Variants in USP32 observed in about 807,000 individuals in gnomAD.
USP32 encodes the protein ubiquitin carboxyl-terminal hydrolase 32.
In USP32, 59 loss-of-function variants were observed where a neutral mutation model predicts 204.8. The observed-to-expected ratio is 0.29, with a 90% CI of 0.23 to 0.36. The LOEUF (loss-of-function observed/expected upper bound fraction) is 0.36. USP32 is among the 10% of genes least tolerant of loss of function. The pLI is 1.00. For missense variants in USP32, 1,160 were observed against 1,946.4 expected (o/e 0.60, Z 7.60); for synonymous variants, 517 against 678.4 (o/e 0.76, Z 3.70).
At chr17:60,229,114 C>T (rs548333191) in intron 12 of USP32, among the ~76,000 whole-genome samples, 4 of 151,820 alleles carry the variant, frequency 2.6e-5, no homozygotes, top group South Asian at 4.1e-4. Context: ...CTTGCTCAGT[C>T]GCCTATAGCT....
intron 1 of USP32, among the ~76,000 whole-genome samples, chr17:60,389,865 A>T (rs951648255): frequency 4.0e-5 from 6 of 151,780 alleles, no homozygotes; most frequent in Non-Finnish European, 5.9e-5. Context: ...AAATACAAAA[A>T]AATTAGCCGG....
chr17:60,329,916 A>T (rs2088339278), intron 2 of USP32, among the ~76,000 whole-genome samples: 1 of 152,244 alleles, frequency 6.6e-6, no homozygotes, highest in African/African-American at 2.4e-5. Flanking sequence ...TACAAGAGAT[A>T]CTCAGAGCAT....
chr17:60,397,949 TG>T (rs747145160), intron 1 of USP32, among the ~76,000 whole-genome samples: 3 of 149,842 alleles, frequency 2.0e-5, no homozygotes, highest in Non-Finnish European at 4.4e-5. Context: ...ATGTGATTTA[TG>T]ATTCTAGGTT....
chr17:60,206,961 C>T (rs1452525018), intron 25 of USP32, 60 bp downstream of exon 25: 2 of 1,544,926 alleles, frequency 1.3e-6, no homozygotes, highest in Non-Finnish European at 1.7e-6. Context: ...AAAAAGATGA[C>T]AACTCTTAGA....
chr17:60,310,003 C>T (rs144782086), intron 2 of USP32, among the ~76,000 whole-genome samples: 1 of 151,756 alleles, frequency 6.6e-6, no homozygotes, highest in East Asian at 1.9e-4. Context: ...GAGATTGTGC[C>T]ACTGCACTCC....
intron 1 of USP32, among the ~76,000 whole-genome samples, chr17:60,381,633 G>A (rs905660083): frequency 2.0e-5 from 3 of 152,096 alleles, no homozygotes; most frequent in African/African-American, 7.2e-5. Flanking sequence ...GCAAGCCCTA[G>A]TAGTTTCTAT....
chr17:60,339,550 T>A lies in USP32; in HGVS notation c.186+5931A>T, dbSNP rs965482219. ...GTGAGCTGAGATCATGCTGTTGCACTCCACCCTGGGCAACAAGAGCAAAAC... is the reference window on the plus strand; with the variant it reads ...GTGAGCTGAGATCATGCTGTTGCACACCACCCTGGGCAACAAGAGCAAAAC... On this transcript the variant is annotated intron_variant, in intron 2 of 33. Coordinates refer to ENST00000300896, the MANE Select transcript of USP32 (RefSeq NM_032582.4). Among the ~76,000 whole-genome samples, 55 of 135,662 alleles carry A rather than the reference T, an allele frequency of 4.1e-4. 1 individual carries two copies. The highest frequency in any genetic ancestry group is 1.5e-3 in the African/African-American group (53 of 34,418). 89.0% of individuals were successfully genotyped at this position (135,662 alleles called of 152,430 possible).
chr17:60,221,527 C>T (rs757506818), intron 15 of USP32, among the ~76,000 whole-genome samples: 1 of 145,176 alleles, frequency 6.9e-6, no homozygotes, highest in Non-Finnish European at 1.5e-5. Flanking sequence ...TTTTTTGAGA[C>T]GGAATCTCGC....
chr17:60,360,996 G>A (rs543043841), intron 1 of USP32, among the ~76,000 whole-genome samples: 1 of 152,060 alleles, frequency 6.6e-6, no homozygotes, highest in Admixed American at 6.6e-5. Context: ...AGGTGTGGTG[G>A]CACATGCCTG....
chr17:60,388,264 GAATCATTTTAATTC>G (rs2089766488), intron 1 of USP32, among the ~76,000 whole-genome samples: 1 of 142,388 alleles, frequency 7.0e-6, no homozygotes, highest in South Asian at 2.1e-4. Flanking sequence ...TAAAAGTTAA[GAATCATTTTAATTC>G]AGCCGATTCT....
intron 2 of USP32, among the ~76,000 whole-genome samples, chr17:60,342,799 G>A (rs1376461636): frequency 6.6e-6 from 1 of 152,186 alleles, no homozygotes; most frequent in African/African-American, 2.4e-5. Context: ...ATTTGGGCAG[G>A]AGTGTCCCGT....
At chr17:60,392,374 C>T (rs942942137), upstream of USP32, 2 of 261,952 alleles carry the variant, frequency 7.6e-6, no homozygotes, top group African/African-American at 4.7e-5. Flanking sequence ...GACGCATCTC[C>T]GCACGTAACG....
At chr17:60,350,243 G>C (rs564129185) in intron 1 of USP32, among the ~76,000 whole-genome samples, 1 of 152,138 alleles carries the variant, frequency 6.6e-6, no homozygotes, top group South Asian at 2.1e-4. Context: ...TCAAACTCCT[G>C]AGCTCAAGCA....
At chr17:60,182,093 C>CA (rs1425038467) in intron 31 of USP32, among the ~76,000 whole-genome samples, 1 of 152,106 alleles carries the variant, frequency 6.6e-6, no homozygotes, top group African/African-American at 2.4e-5. Flanking sequence ...TAAAATTAGA[C>CA]AAAAAATGTG....
At chr17:60,407,872 C>T (rs146462923) in intron 1 of USP32, among the ~76,000 whole-genome samples, 27 of 150,096 alleles carry the variant, frequency 1.8e-4, no homozygotes, top group East Asian at 9.8e-4. Flanking sequence ...CCAAGGCAGG[C>T]GGATTGCCTG....
chr17:60,349,167 AATCT>A (rs1366444939), intron 1 of USP32, among the ~76,000 whole-genome samples: 4 of 150,582 alleles, frequency 2.7e-5, no homozygotes, highest in African/African-American at 9.7e-5. Flanking sequence ...CAATATAATT[AATCT>A]AATATATTAA....
intron 7 of USP32, among the ~76,000 whole-genome samples, chr17:60,268,523 C>A (rs184213569): frequency 3.5e-5 from 5 of 142,756 alleles, no homozygotes; most frequent in Non-Finnish European, 7.5e-5. Flanking sequence ...CAGTGAGCTA[C>A]GATCACACCA....
chr17:60,409,895 C>A (rs1375439654), intron 1 of USP32, among the ~76,000 whole-genome samples: 1 of 152,112 alleles, frequency 6.6e-6, no homozygotes, highest in Non-Finnish European at 1.5e-5. Context: ...TTGTGTTGGA[C>A]CACATTCAAA....
In USP32 at chr17:60,195,287, C is replaced by A. The variant is rs116491640; in HGVS notation, c.3435-2357G>T. ...TATCACTCCTTTCCTGAAATACTTC[C>A]TTCACTTAACTCCTGGTTTTCTTCT... On this transcript the variant is annotated intron_variant, in intron 27 of 33. Transcript: ENST00000300896. 9.5e-3 allele frequency among the ~76,000 whole-genome samples: 1,452 copies of A among 152,324 alleles called. 33 individuals are homozygous for A. The highest frequency in any genetic ancestry group is 0.034 in the African/African-American group (1,396 of 41,572).
Sources: gnomAD v4.1 joint callset for allele counts (sites outside exome capture counted in the v4.1 genomes callset) on GRCh38, gnomAD v4.1.1 for gene constraint, MANE v1.5 for transcripts, NCBI Gene and HGNC (gene_info 2026-07-23, HGNC 2026-07-21) for gene names.